NRIP1: variants seen among roughly 807,000 people sequenced by gnomAD.
NRIP1 encodes the protein nuclear receptor interacting protein 1.
A neutral mutation model predicts 75.0 loss-of-function variants in NRIP1; 28 were observed. That is an observed-to-expected ratio of 0.37 (90% CI 0.28 to 0.51). The LOEUF is 0.51. NRIP1 is among the 20% of genes least tolerant of loss of function. The pLI is 0.92. For synonymous variants in NRIP1, 526 were observed against 487.6 expected (o/e 1.08, Z -1.04); for missense variants, 1,435 against 1,343.7 (o/e 1.07, Z -1.06).
rs941265400 is a variant in NRIP1, at chr21:14,979,632, G to T, written c.-334-11106C>A. ...TCATGCACTTCTTATTATAAAGTAT[G>T]TTTTGTTAAATATATTGCATTGGAT... On this transcript the variant is annotated intron_variant, in intron 3 of 3. Coordinates refer to ENST00000318948, the MANE Select transcript of NRIP1 (RefSeq NM_003489.4). 5.9e-5 allele frequency among the ~76,000 whole-genome samples: 9 copies of T among 152,226 alleles called. No homozygotes were observed. In the South Asian group the frequency reaches 1.9e-3, roughly 32 times the overall value.
At chr21:14,972,582 G>A (rs1005770274) in intron 3 of NRIP1, among the ~76,000 whole-genome samples, 1 of 152,070 alleles carries the variant, frequency 6.6e-6, no homozygotes, top group Admixed American at 6.6e-5. Context: ...TAAGAATGTT[G>A]CCAGGTGTAT....
chr21:15,008,263 T>C (rs1365565881), intron 3 of NRIP1, among the ~76,000 whole-genome samples: 1 of 151,852 alleles, frequency 6.6e-6, no homozygotes, highest in East Asian at 1.9e-4. Context: ...TTGAGGCAAG[T>C]GGAGGGGAAG....
At chr21:15,010,774 G>A (rs369324340) in intron 3 of NRIP1, among the ~76,000 whole-genome samples, 1 of 152,200 alleles carries the variant, frequency 6.6e-6, no homozygotes, top group Admixed American at 6.5e-5. Context: ...GCCAGCACAA[G>A]AGCTCCAGAT....
intron 3 of NRIP1, among the ~76,000 whole-genome samples, chr21:14,985,135 C>A (rs1444066034): frequency 2.0e-5 from 3 of 152,308 alleles, no homozygotes; most frequent in East Asian, 3.9e-4. Context: ...TCCTTATGGG[C>A]AAGAATTATG....
chr21:14,995,627 A>C (rs2087699260), intron 3 of NRIP1, among the ~76,000 whole-genome samples: 1 of 152,236 alleles, frequency 6.6e-6, no homozygotes, highest in South Asian at 2.1e-4. Flanking sequence ...TATGAAAGAA[A>C]GAGAATTCTT....
intron 2 of NRIP1, among the ~76,000 whole-genome samples, chr21:15,015,497 G>A (rs1395953706): frequency 6.6e-6 from 1 of 152,038 alleles, no homozygotes; most frequent in African/African-American, 2.4e-5. Context: ...AAAAATCATG[G>A]AGGATAGGTG....
At chr21:15,027,424 T>G (rs976599332) in intron 2 of NRIP1, among the ~76,000 whole-genome samples, 5 of 152,226 alleles carry the variant, frequency 3.3e-5, no homozygotes, top group Non-Finnish European at 7.3e-5. Flanking sequence ...GTAAGCATCT[T>G]AATAATTTTC....
chr21:15,051,078 C>G, intron 1 of NRIP1: 1 of 366,494 alleles, frequency 2.7e-6, no homozygotes, highest in Non-Finnish European at 5.4e-6. Flanking sequence ...ACTCCAGAAA[C>G]GGCTGCAGCC....
intron 3 of NRIP1, among the ~76,000 whole-genome samples, chr21:14,994,275 C>T (rs2087656582): frequency 6.6e-6 from 1 of 152,126 alleles, no homozygotes; most frequent in Non-Finnish European, 1.5e-5. Context: ...CAGGGGTGCA[C>T]CACCATGCCT....
chr21:15,031,538 C>T (rs962021033), intron 2 of NRIP1, among the ~76,000 whole-genome samples: 3 of 137,960 alleles, frequency 2.2e-5, no homozygotes, highest in East Asian at 4.4e-4. Context: ...CTCTGGAAGG[C>T]GGTTGGAGGT....
intron 3 of NRIP1, among the ~76,000 whole-genome samples, chr21:15,010,206 C>T (rs1435432139): frequency 6.6e-6 from 1 of 151,928 alleles, no homozygotes; most frequent in African/African-American, 2.4e-5. Context: ...ATATGCAAAC[C>T]ACAGGCCACA....
chr21:15,044,342 T>C (rs2089023929), intron 1 of NRIP1, among the ~76,000 whole-genome samples: 1 of 150,068 alleles, frequency 6.7e-6, no homozygotes, highest in Admixed American at 6.7e-5. Flanking sequence ...AGATATAGAA[T>C]GACACTGACG....
intron 1 of NRIP1, chr21:15,050,915 T>C (rs1351069429): frequency 2.2e-6 from 1 of 455,998 alleles, no homozygotes; most frequent in Non-Finnish European, 4.4e-6. Context: ...ACTCTTACAG[T>C]TTAGAGCCTG....
intron 3 of NRIP1, among the ~76,000 whole-genome samples, chr21:14,969,068 T>C (rs1321349594): frequency 2.0e-5 from 3 of 152,226 alleles, no homozygotes; most frequent in African/African-American, 7.2e-5. Context: ...AAGTAATTTT[T>C]AGAATTTCCG....
intron 3 of NRIP1, among the ~76,000 whole-genome samples, chr21:15,013,340 A>G (rs1366723507): frequency 6.6e-6 from 1 of 152,214 alleles, no homozygotes; most frequent in Non-Finnish European, 1.5e-5. Context: ...GAACATTATC[A>G]GAATAGTGAA....
chr21:15,015,150 G>T (rs1324566552), intron 2 of NRIP1, among the ~76,000 whole-genome samples: 1 of 152,128 alleles, frequency 6.6e-6, no homozygotes, highest in Non-Finnish European at 1.5e-5. Context: ...ATTACCCTGA[G>T]TGCAAGAAGC....
rs547965352 is a variant in NRIP1, at chr21:14,967,362, C to T, written c.831G>A (p.Gln277=). The change falls in exon 4 of 4, where the codon CAG becomes CAA. Residue 277 remains glutamine (Q), a synonymous_variant. Coordinates refer to ENST00000318948, the MANE Select transcript of NRIP1 (RefSeq NM_003489.4). ...ALLLSSEAHL[Q]QYSREHALKT... ...TTAAAGCGTGTTCTCGAGAATACTG[C>T]TGCAAATGGGCTTCGCTTGACAGAA... 5 of 1,614,104 alleles carry T rather than the reference C, an allele frequency of 3.1e-6. 1 individual carries two copies. In the Admixed American group the frequency reaches 8.3e-5, roughly 27 times the overall value.
At chr21:15,034,341 G>A (rs1220233062) in intron 2 of NRIP1, among the ~76,000 whole-genome samples, 1 of 152,188 alleles carries the variant, frequency 6.6e-6, no homozygotes, top group East Asian at 1.9e-4. Flanking sequence ...CATATGTGGT[G>A]AGTCACTTCC....
At chr21:15,012,382 C>T (rs544875011) in intron 3 of NRIP1, among the ~76,000 whole-genome samples, 1 of 150,332 alleles carries the variant, frequency 6.7e-6, no homozygotes, top group Admixed American at 6.6e-5. Flanking sequence ...TATAGAAAAT[C>T]ACTATCAGTA....
Sources: gnomAD v4.1 joint callset for allele counts (sites outside exome capture counted in the v4.1 genomes callset) on GRCh38, gnomAD v4.1.1 for gene constraint, MANE v1.5 for transcripts, NCBI Gene and HGNC (gene_info 2026-07-23, HGNC 2026-07-21) for gene names.